The following SNX21 variants were observed in gnomAD, a reference collection of about 807,000 sequenced individuals.
SNX21 encodes the protein sorting nexin family member 21, also known as sorting nexin-21.
Under a neutral mutation model 30.9 loss-of-function variants are expected in SNX21, and 36 were observed. That is an observed-to-expected ratio of 1.16 (90% CI 0.89 to 1.54). The LOEUF (loss-of-function observed/expected upper bound fraction) is 1.54, where lower values mean the gene tolerates loss of function less well. Among genes scored for constraint, SNX21 ranks in the 40% most tolerant of loss-of-function variants. The pLI, the probability that SNX21 is intolerant of heterozygous loss-of-function variation, is 0.00. For synonymous variants in SNX21, 218 were observed against 222.7 expected (o/e 0.98, Z 0.19); for missense variants, 508 against 516.5 (o/e 0.98, Z 0.16).
Position 45,842,022 on chromosome 20 carries a change from T to C in SNX21, c.*709T>C, listed in dbSNP as rs1291359874. 3.8e-6 allele frequency: 6 copies of C among 1,577,286 alleles called. No individual in the cohort carries two copies. Among genetic ancestry groups the C allele is most frequent in the Non-Finnish European group, 3.4e-6 (4 of 1,163,856 alleles). On this transcript the variant is annotated 3_prime_UTR_variant, in exon 4 of 4. Transcript: ENST00000491381. ...CAGCCAAATACACTTTTTTTTTTTT[T>C]CCTGAAACAGAGTCTCACTAAGTTG...
chr20:45,842,196 G>C lies in SNX21; in HGVS notation c.*883G>C, dbSNP rs1039744770. The C allele has an allele frequency of 2.7e-6, 4 of 1,472,400 alleles. No homozygotes were observed. In the East Asian group the frequency reaches 9.9e-5, roughly 36 times the overall value. 91.2% of individuals were successfully genotyped at this position (1,472,400 alleles called of 1,614,324 possible). ...CCAGGGCAGGGCTGCCCCACACAAGGGTGCACTGAGTGTCGTGGCTGCTCC... is the reference window on the plus strand; with the variant it reads ...CCAGGGCAGGGCTGCCCCACACAAGCGTGCACTGAGTGTCGTGGCTGCTCC... On this transcript the variant is annotated 3_prime_UTR_variant, in exon 4 of 4. Coordinates refer to ENST00000491381, the MANE Select transcript of SNX21 (RefSeq NM_033421.4).
intron 3 of SNX21, among the ~76,000 whole-genome samples, chr20:45,835,810 G>A (rs1983476653): frequency 6.6e-6 from 1 of 152,188 alleles, no homozygotes; most frequent in Admixed American, 6.5e-5. Flanking sequence ...GTCCCTAAGG[G>A]CTAGACTTAG....
intron 3 of SNX21, among the ~76,000 whole-genome samples, chr20:45,839,392 T>A (rs1413099567): frequency 1.3e-5 from 2 of 151,972 alleles, no homozygotes; most frequent in South Asian, 4.2e-4. Context: ...GGCAGGCGCC[T>A]GTAGTCCCAG....
Position 45,835,021 on chromosome 20 carries a change from T to C in SNX21, c.352T>C (p.Phe118Leu). Residue 118 changes from phenylalanine (F) to leucine (L), a missense_variant, in exon 3 of 4, where the codon TTC becomes CTC. Coordinates refer to ENST00000491381, the MANE Select transcript of SNX21 (RefSeq NM_033421.4). ...GCTCCTGGCGCGGCAGCTGCAGGAT[T>C]TCTGGAAGAAGTCCCGGAACACCTT... The part of the protein sequence containing the change: ...SQLLARQLQD[F>L]WKKSRNTLAP... 1 of 1,614,182 alleles carries C rather than the reference T, an allele frequency of 6.2e-7. No homozygotes were observed. The highest frequency in any genetic ancestry group is 8.5e-7 in the Non-Finnish European group (1 of 1,180,024).
rs1984112627 is a variant in SNX21, at chr20:45,841,425, T to C, written c.*112T>C. 8.1e-6 allele frequency: 12 copies of C among 1,472,662 alleles called. No homozygotes were observed. The highest frequency in any genetic ancestry group is 7.6e-5 in the South Asian group (5 of 66,040). 91.2% of individuals were successfully genotyped at this position (1,472,662 alleles called of 1,614,324 possible). Reference sequence around the variant, plus strand: ...GGCTGCAGAGGGTGCTGGGAGCCCCTAGAAGTTCCAAAAGAGAATGTGAAG... The same window carrying C: ...GGCTGCAGAGGGTGCTGGGAGCCCCCAGAAGTTCCAAAAGAGAATGTGAAG... On this transcript the variant is annotated 3_prime_UTR_variant, in exon 4 of 4. Coordinates refer to ENST00000491381, the MANE Select transcript of SNX21 (RefSeq NM_033421.4).
At chr20:45,836,208 A>T (rs1039898844) in intron 3 of SNX21, among the ~76,000 whole-genome samples, 8 of 152,190 alleles carry the variant, frequency 5.3e-5, no homozygotes, top group Non-Finnish European at 1.0e-4. Flanking sequence ...TTTTAAAAAA[A>T]TTTTTGAGGC....
intron 3 of SNX21, among the ~76,000 whole-genome samples, chr20:45,839,921 A>C (rs948636705): frequency 2.6e-5 from 4 of 152,122 alleles, no homozygotes; most frequent in African/African-American, 9.7e-5. Context: ...AATAATAATT[A>C]AAAGGGGACC....
chr20:45,840,334 G>C, intron 3 of SNX21: 1 of 1,533,708 alleles, frequency 6.5e-7, no homozygotes, highest in African/African-American at 1.8e-5. Flanking sequence ...GGGGCTGTCA[G>C]AAGAACTAAT....
intron 3 of SNX21, 185 bp from the exon 4 acceptor site, chr20:45,840,454 C>T: frequency 6.2e-7 from 1 of 1,614,230 alleles, no homozygotes; most frequent in Non-Finnish European, 8.5e-7. Flanking sequence ...TCAGACAAAC[C>T]TCAGGTAAGA....
chr20:45,834,604 T>G (rs953328321), intron 2 of SNX21, 136 bp downstream of exon 2: 27 of 1,206,366 alleles, frequency 2.2e-5, no homozygotes, highest in Non-Finnish European at 3.0e-5. Context: ...GGGCCACCTC[T>G]TGGCTGTGTG....
In SNX21 at chr20:45,841,034, C is replaced by A. The variant is rs546449410; in HGVS notation, c.843C>A (p.Arg281=). The change falls in exon 4 of 4, where the codon CGC becomes CGA. Residue 281 remains arginine (R), a synonymous_variant. Coordinates refer to ENST00000491381, the MANE Select transcript of SNX21 (RefSeq NM_033421.4). ...TGGGCACCCCCTCTGGCCCAGACCG[C>A]CCCCTGCTGACCCTGGCTGGGCTGG... The part of the protein sequence containing the change: ...AQLGTPSGPD[R]PLLTLAGLAV... 3 of 1,609,610 alleles carry A rather than the reference C, an allele frequency of 1.9e-6. No individual in the cohort carries two copies. The East Asian group carries it at 6.7e-5, about 36-fold the overall frequency.
At chr20:45,836,897 G>A (rs974013281) in intron 3 of SNX21, among the ~76,000 whole-genome samples, 1 of 152,198 alleles carries the variant, frequency 6.6e-6, no homozygotes, top group South Asian at 2.1e-4. Context: ...ACTTGTGGGG[G>A]TGAAGAGCAC....
intron 3 of SNX21, among the ~76,000 whole-genome samples, chr20:45,839,010 C>T (rs572231126): frequency 6.6e-6 from 1 of 151,912 alleles, no homozygotes; most frequent in Non-Finnish European, 1.5e-5. Context: ...TCTCCTGCCT[C>T]AGCCTCCCAA....
At position 45,842,316 on chromosome 20, in the gene SNX21, C is replaced by T. The variant is rs1223191370; in HGVS notation, c.*1003C>T. The stretch of plus-strand genomic sequence containing the variant: ...ACAGTTTAAAAGCACTTTCACACCT[C>T]TCCTCGCTTCCTCAAAAAGATCACA... On this transcript the variant is annotated 3_prime_UTR_variant, in exon 4 of 4. Coordinates refer to ENST00000491381, the MANE Select transcript of SNX21 (RefSeq NM_033421.4). 19 of 1,405,184 alleles carry T rather than the reference C, an allele frequency of 1.4e-5. No individual in the cohort carries two copies. Among genetic ancestry groups the T allele is most frequent in the Middle Eastern group, 2.6e-4 (1 of 3,792 alleles). 87.0% of individuals were successfully genotyped at this position (1,405,184 alleles called of 1,614,324 possible).
intron 3 of SNX21, among the ~76,000 whole-genome samples, chr20:45,837,369 C>T (rs900657403): frequency 2.0e-5 from 3 of 152,150 alleles, no homozygotes; most frequent in African/African-American, 7.2e-5. Context: ...AATGAGAATA[C>T]AATAAGTTTC....
Position 45,833,884 on chromosome 20 carries a change from C to A in SNX21, c.-36C>A, listed in dbSNP as rs1310902733. On this transcript the variant is annotated 5_prime_UTR_variant, in exon 1 of 4. It adds an upstream start codon to the 5' untranslated region. Transcript: ENST00000491381. ...GCCGACCTCCATGGGCTGCGGGGGG[C>A]TGCACCCGGACCCCTGGGGCGCGGC... 2.2e-6 allele frequency: 3 copies of A among 1,352,500 alleles called. No individual in the cohort carries two copies. Among genetic ancestry groups the A allele is most frequent in the South Asian group, 1.9e-5 (1 of 51,886 alleles). 83.8% of individuals were successfully genotyped at this position (1,352,500 alleles called of 1,614,324 possible).
Position 45,841,934 on chromosome 20 carries a change from A to G in SNX21, c.*621A>G. 1 of 1,613,250 alleles carries G rather than the reference A, an allele frequency of 6.2e-7. No homozygotes were observed. The highest frequency in any genetic ancestry group is 1.1e-5 in the South Asian group (1 of 91,020). On this transcript the variant is annotated 3_prime_UTR_variant, in exon 4 of 4. Transcript: ENST00000491381. ...CTCCATCCTGACGCCACAGCCGCCCATGGACCAGCCCCCGAGAGCCACCTG... is the reference window on the plus strand; with the variant it reads ...CTCCATCCTGACGCCACAGCCGCCCGTGGACCAGCCCCCGAGAGCCACCTG...
chr20:45,840,607 T>C (rs1335493187), intron 3 of SNX21, 32 bp from the exon 4 acceptor site: 1 of 1,614,054 alleles, frequency 6.2e-7, no homozygotes, highest in South Asian at 1.1e-5. Context: ...GTGGACAACT[T>C]GCATTTGCCC....
rs938969921 is a variant in SNX21, at chr20:45,841,776, T to C, written c.*463T>C. ...GAGGGCCAAAAGGGACTGTAACTCC[T>C]GTCTCAGGAATGGGGATAGATGGGA... On this transcript the variant is annotated 3_prime_UTR_variant, in exon 4 of 4. Coordinates refer to ENST00000491381, the MANE Select transcript of SNX21 (RefSeq NM_033421.4). 2.3e-5 allele frequency: 35 copies of C among 1,508,698 alleles called. No individual in the cohort carries two copies. In the African/African-American group the frequency reaches 3.5e-4, roughly 15 times the overall value. The allele number at this position is 1,508,698 out of a possible 1,614,324, so 93.5% of individuals were successfully genotyped here.
Sources: gnomAD v4.1 joint callset for allele counts (sites outside exome capture counted in the v4.1 genomes callset) on GRCh38, gnomAD v4.1.1 for gene constraint, MANE v1.5 for transcripts, NCBI Gene and HGNC (gene_info 2026-07-23, HGNC 2026-07-21) for gene names.